The following TMEM187 variants were observed in gnomAD, a reference collection of about 807,000 sequenced individuals.
TMEM187 encodes transmembrane protein 187.
A neutral mutation model predicts 11.8 loss-of-function variants in TMEM187; 14 were observed. The ratio of observed to expected loss-of-function variants is 1.18; its 90% CI spans 0.78 to 1.85. TMEM187 has a LOEUF of 1.85. Among genes scored for constraint, TMEM187 ranks in the 40% most tolerant of loss-of-function variants. TMEM187 has a pLI of 0.00. For synonymous variants in TMEM187, 112 were observed against 118.5 expected (o/e 0.95, Z 0.36); for missense variants, 227 against 243.9 (o/e 0.93, Z 0.46).
At chrX:153,979,721 C>A (rs1328583297) in intron 1 of TMEM187, among the ~76,000 whole-genome samples, 2 of 86,944 alleles carry the variant, frequency 2.3e-5, no homozygotes, top group African/African-American at 4.2e-5. Flanking sequence ...CATGGTGAGA[C>A]CCTGTCTCTA....
At chrX:153,976,667 G>T (rs1557121499) in intron 1 of TMEM187, among the ~76,000 whole-genome samples, 1 of 112,689 alleles carries the variant, frequency 8.9e-6, no homozygotes, top group Non-Finnish European at 1.9e-5. Context: ...TTTGAGACCA[G>T]TCTGGGCAAC....
At chrX:153,979,947 C>T (rs1557122086) in intron 1 of TMEM187, among the ~76,000 whole-genome samples, 1 of 108,649 alleles carries the variant, frequency 9.2e-6, no homozygotes, top group African/African-American at 3.4e-5. Context: ...CCGTGTTAGC[C>T]AGGATGCTCT....
chrX:153,979,880 G>A (rs2065592838), intron 1 of TMEM187, among the ~76,000 whole-genome samples: 1 of 106,058 alleles, frequency 9.4e-6, no homozygotes. Flanking sequence ...GGGACAACAG[G>A]CGCCCACCAC....
intron 1 of TMEM187, chrX:153,981,201 C>T (rs782606008): frequency 6.2e-5 from 7 of 112,658 alleles, no homozygotes; most frequent in Admixed American, 2.8e-4. Flanking sequence ...CTAGGGCTCA[C>T]TTACAGCACC....
At chrX:153,974,268 C>T (rs1557121147) in intron 1 of TMEM187, among the ~76,000 whole-genome samples, 1 of 111,976 alleles carries the variant, frequency 8.9e-6, no homozygotes, top group Non-Finnish European at 1.9e-5. Context: ...TCCAGCTCTC[C>T]GCCCTGCTTG....
chrX:153,979,432 C>G (rs2065590097), intron 1 of TMEM187, among the ~76,000 whole-genome samples: 1 of 108,934 alleles, frequency 9.2e-6, no homozygotes, highest in Non-Finnish European at 1.9e-5. Context: ...GTTGCCCAGG[C>G]TGGTCTCAAA....
Position 153,982,435 on chromosome X carries a change from T to C in TMEM187, c.373T>C (p.Trp125Arg). The C allele has an allele frequency of 8.3e-7, 1 of 1,201,557 alleles. No individual in the cohort carries two copies. The highest frequency in any genetic ancestry group is 1.1e-6 in the Non-Finnish European group (1 of 893,769). Residue 125 changes from tryptophan (W) to arginine (R), a missense_variant, in exon 2 of 2, where the codon TGG (tryptophan) becomes CGG (arginine). Trp to Arg is a moderately radical substitution (Grantham distance 101). Transcript: ENST00000369982. ...DQWLTLPIFAWPVAWCLYLDR... is the reference protein window; with the variant it reads ...DQWLTLPIFARPVAWCLYLDR... Reference sequence around the variant, plus strand: ...GTGGCTCACACTGCCCATCTTTGCATGGCCCGTGGCCTGGTGCCTCTACCT... The same window carrying C: ...GTGGCTCACACTGCCCATCTTTGCACGGCCCGTGGCCTGGTGCCTCTACCT...
intron 1 of TMEM187, among the ~76,000 whole-genome samples, chrX:153,976,234 T>G (rs1332108922): frequency 8.9e-6 from 1 of 112,097 alleles, no homozygotes; most frequent in African/African-American, 3.2e-5. Flanking sequence ...ATTGAGCCAT[T>G]TAAAAATAAA....
At chrX:153,972,939 C>CGCG (rs782390507) in intron 1 of TMEM187, 79 bp downstream of exon 1, 24,263 of 116,941 alleles carry the variant, frequency 0.21, 2,642 homozygotes, top group East Asian at 0.74. Context: ...GCCGCCCGGG[C>CGCG]GCGGCGGCGG....
At chrX:153,974,136 G>T (rs2266887) in intron 1 of TMEM187, among the ~76,000 whole-genome samples, 42,391 of 110,857 alleles carry the variant, frequency 0.38, 7,987 homozygotes, top group East Asian at 0.75. Flanking sequence ...TTGATTACAT[G>T]GTCACTGTCA....
In TMEM187 at chrX:153,983,026, G is replaced by C. The variant is rs1358372322; in HGVS notation, c.*178G>C. Reference sequence around the variant, plus strand: ...TGGAGGGGTGGAGTGCTGTGATCTCGACAACTTACTTTCAAAGACATAAAG... The same window carrying C: ...TGGAGGGGTGGAGTGCTGTGATCTCCACAACTTACTTTCAAAGACATAAAG... On this transcript the variant is annotated 3_prime_UTR_variant, in exon 2 of 2. Transcript: ENST00000369982. 1.1e-6 allele frequency: 1 copy of C among 939,956 alleles called. No individual in the cohort carries two copies. Among genetic ancestry groups the C allele is most frequent in the African/African-American group, 2.0e-5 (1 of 51,091 alleles). The allele number at this position is 939,956 out of a possible 1,213,427, so 77.5% of individuals were successfully genotyped here. A position where few individuals can be genotyped will look rare whatever the true frequency, so the allele number is the denominator to read the frequency against.
At position 153,982,112 on chromosome X, in the gene TMEM187, G is replaced by A. The variant is rs782359185; in HGVS notation, c.50G>A (p.Gly17Asp). Residue 17 changes from glycine to aspartate, a missense_variant, in exon 2 of 2, where the codon GGC becomes GAC. Gly to Asp is a moderately conservative substitution (Grantham distance 94). Coordinates refer to ENST00000369982, the MANE Select transcript of TMEM187 (RefSeq NM_003492.3). ...QAFVHVAVAG[G>D]LCAVAVFTGI... ...TTCGTGCACGTGGCCGTGGCCGGTG[G>A]CCTCTGTGCCGTGGCTGTGTTCACG... The A allele has an allele frequency of 8.3e-7, 1 of 1,211,755 alleles. No homozygotes were observed. The highest frequency in any genetic ancestry group is 1.8e-5 in the South Asian group (1 of 56,999).
intron 1 of TMEM187, 123 bp downstream of exon 1, chrX:153,972,983 C>T (rs2065559394): frequency 1.7e-5 from 2 of 117,288 alleles, no homozygotes; most frequent in South Asian, 5.7e-4. Flanking sequence ...CTGCCACGCG[C>T]AGGCCGCAGC....
intron 1 of TMEM187, among the ~76,000 whole-genome samples, chrX:153,980,802 A>T (rs2065597732): frequency 9.3e-6 from 1 of 107,674 alleles, no homozygotes; most frequent in Non-Finnish European, 1.9e-5. Context: ...GCCTCTAATC[A>T]CCGCTACTAG....
Position 153,976,591 on chromosome X carries a change from G to A in TMEM187, c.-214+3731G>A, listed in dbSNP as rs781834388. On this transcript the variant is annotated intron_variant, in intron 1 of 1. Coordinates refer to ENST00000369982, the MANE Select transcript of TMEM187 (RefSeq NM_003492.3). ...AATAAAAAACTATTGGCTGGGTGCA[G>A]TAACTCACGCCTGTAATCCCAGCAC... Among the ~76,000 whole-genome samples, 15 of 112,501 alleles carry A rather than the reference G, an allele frequency of 1.3e-4. No homozygotes were observed. The South Asian group carries it at 5.1e-3, about 38-fold the overall frequency.
At chrX:153,974,709 C>A (rs1283185405) in intron 1 of TMEM187, among the ~76,000 whole-genome samples, 1 of 112,104 alleles carries the variant, frequency 8.9e-6, no homozygotes, top group Non-Finnish European at 1.9e-5. Context: ...AGTTCGGGTG[C>A]CCCATGCTGA....
intron 1 of TMEM187, among the ~76,000 whole-genome samples, chrX:153,973,285 G>C (rs1557120975): frequency 8.9e-6 from 1 of 112,390 alleles, no homozygotes; most frequent in East Asian, 2.8e-4. Flanking sequence ...TTTTGTAATC[G>C]TCTGTGTTTT....
At position 153,982,719 on chromosome X, in the gene TMEM187, C is replaced by T. The variant is rs1407734443; in HGVS notation, c.657C>T (p.Leu219=). 2.1e-5 allele frequency: 26 copies of T among 1,211,111 alleles called. No individual in the cohort carries two copies. The highest frequency in any genetic ancestry group is 2.9e-5 in the Non-Finnish European group (26 of 895,475). Residue 219 remains leucine, a synonymous_variant, in exon 2 of 2, where the codon CTC becomes CTT. Coordinates refer to ENST00000369982, the MANE Select transcript of TMEM187 (RefSeq NM_003492.3). ...ACCATCAGCTCGCACGGTGGCGTCT[C>T]TTCCAGTGCCTCACAGGCCACTTCT... ...LCDHQLARWR[L]FQCLTGHFWS...
intron 1 of TMEM187, among the ~76,000 whole-genome samples, chrX:153,975,619 C>CTCGCTGGCCTCTTCTAGTAGCTTTAT (rs1557121347): frequency 1.1e-5 from 1 of 89,814 alleles, no homozygotes; most frequent in African/African-American, 4.2e-5. Context: ...TGTGAGCCAC[C>CTCGCTGGCCTCTTCTAGTAGCTTTAT]ACACCCAGCC....
Sources: allele counts gnomAD v4.1 joint callset (sites outside exome capture counted in the v4.1 genomes callset), GRCh38; gene constraint gnomAD v4.1.1; transcripts MANE v1.5; gene names NCBI Gene and HGNC (gene_info 2026-07-23, HGNC 2026-07-21).